The following TEX15 variants were observed in gnomAD, a reference collection of about 807,000 sequenced individuals.
TEX15 encodes testis-expressed protein 15.
A neutral mutation model predicts 237.3 loss-of-function variants in TEX15; 171 were observed. That is an observed-to-expected ratio of 0.72 (90% CI 0.64 to 0.82). The LOEUF is 0.82. Among genes scored for constraint, TEX15 ranks in the 40% least tolerant of loss-of-function variants. The pLI is 0.00. For missense variants in TEX15, 3,750 were observed against 3,646.5 expected (o/e 1.03, Z -0.73); for synonymous variants, 1,338 against 1,269.8 (o/e 1.05, Z -1.14).
chr8:30,852,906 G>C lies in TEX15; in HGVS notation c.851-3590C>G, dbSNP rs1289691416. ...CTGAGCACTGAAATGTGCCTGGTGT[G>C]ACTGACAAATTGAATTTATAATTTT... On this transcript the variant is annotated intron_variant, in intron 7 of 10. Coordinates refer to ENST00000643185, the MANE Select transcript of TEX15 (RefSeq NM_001350162.2). 2.0e-5 allele frequency among the ~76,000 whole-genome samples: 3 copies of C among 152,112 alleles called. No individual in the cohort carries two copies. The East Asian group carries it at 5.8e-4, about 29-fold the overall frequency.
In TEX15 at chr8:30,843,365, C is replaced by A. The variant is rs1360252475; in HGVS notation, c.6802G>T (p.Glu2268Ter). ...VRVKISLYGL[E>*]HIFFDAAKNL... ...TTTGCAGCATCAAAAAAGATATGTT[C>A]CAGACCATAAAGAGATATTTTAACA... The change falls in exon 8 of 11, where the codon GAA becomes TAA. Residue 2268 changes from glutamate (E) to a stop codon, truncating the protein, a stop_gained. Transcript: ENST00000643185. LOFTEE classifies it high-confidence loss of function. 6.2e-7 allele frequency: 1 copy of A among 1,610,878 alleles called. No individual in the cohort carries two copies. Among genetic ancestry groups the A allele is most frequent in the Non-Finnish European group, 8.5e-7 (1 of 1,178,058 alleles).
chr8:30,864,888 C>T (rs1487216951), intron 5 of TEX15, among the ~76,000 whole-genome samples: 1 of 151,676 alleles, frequency 6.6e-6, no homozygotes, highest in African/African-American at 2.4e-5. Flanking sequence ...TTTTTCTTTG[C>T]AATTAAAGTT....
intron 4 of TEX15, among the ~76,000 whole-genome samples, chr8:30,874,237 G>A (rs1327750266): frequency 2.0e-5 from 3 of 152,138 alleles, no homozygotes; most frequent in African/African-American, 7.2e-5. Context: ...ATTCCAAAAC[G>A]AGTTCCACAT....
chr8:30,894,774 A>C (rs1205047583), intron 2 of TEX15, among the ~76,000 whole-genome samples: 1 of 152,226 alleles, frequency 6.6e-6, no homozygotes, highest in East Asian at 1.9e-4. Flanking sequence ...AAAAAACATA[A>C]AGAAAAAGCC....
In TEX15 at chr8:30,832,541, ATGTT is replaced by A. The variant is rs1277581086; in HGVS notation, c.*741_*744del. The A allele has an allele frequency of 6.6e-6, 1 of 152,226 alleles. No homozygotes were observed. Among genetic ancestry groups the A allele is most frequent in the Non-Finnish European group, 1.5e-5 (1 of 68,024 alleles). The allele number at this position is 152,226 out of a possible 1,614,324, so 9.4% of individuals were successfully genotyped here. On this transcript the variant is annotated 3_prime_UTR_variant, in exon 11 of 11. Coordinates refer to ENST00000643185, the MANE Select transcript of TEX15 (RefSeq NM_001350162.2). ...TCTATGACAAGAGCATGAAAAAACT[ATGTT>A]TGTGCCACATTGTTTAAATTACTGT...
intron 7 of TEX15, among the ~76,000 whole-genome samples, chr8:30,852,098 A>ATTTTTTT (rs1369995680): frequency 2.5e-5 from 3 of 121,786 alleles, no homozygotes; most frequent in African/African-American, 1.2e-4. Context: ...CATTAATTTA[A>ATTTTTTT]TCTTTTTTTT....
chr8:30,886,924 G>A (rs10110944), intron 3 of TEX15: 3,831 of 324,028 alleles, frequency 0.012, 128 homozygotes, highest in African/African-American at 0.074. Context: ...CTCCAGTTTC[G>A]AAAGTCTTTT....
Position 30,846,388 on chromosome 8 carries a change from G to C in TEX15, c.3779C>G (p.Ser1260Cys). Residue 1260 changes from serine (S) to cysteine (C), a missense_variant, in exon 8 of 11, where the codon TCT (serine) becomes TGT (cysteine). Physicochemically the swap from Ser to Cys is moderately radical, Grantham distance 112. Coordinates refer to ENST00000643185, the MANE Select transcript of TEX15 (RefSeq NM_001350162.2). Reference protein sequence around the residue: ...NHTSENQNSESLFTEPSNVTT... With the variant: ...NHTSENQNSECLFTEPSNVTT... ...GACATTAGAAGGTTCAGTAAACAAA[G>C]ATTCACTGTTCTGATTTTCAGACGT... 6.2e-7 allele frequency: 1 copy of C among 1,613,306 alleles called. No homozygotes were observed. The highest frequency in any genetic ancestry group is 8.5e-7 in the Non-Finnish European group (1 of 1,179,678).
At chr8:30,860,693 G>A (rs933664685) in intron 5 of TEX15, among the ~76,000 whole-genome samples, 2 of 150,954 alleles carry the variant, frequency 1.3e-5, no homozygotes, top group African/African-American at 4.9e-5. Flanking sequence ...TCTCCTGAAT[G>A]GCTGGGATTA....
intron 1 of TEX15, among the ~76,000 whole-genome samples, chr8:30,902,917 C>G (rs1400741980): frequency 6.6e-6 from 1 of 152,206 alleles, no homozygotes; most frequent in African/African-American, 2.4e-5. Flanking sequence ...CAGTACATTT[C>G]TCAAGGTGTT....
chr8:30,898,130 C>A (rs1448319315), intron 2 of TEX15, among the ~76,000 whole-genome samples: 1 of 152,150 alleles, frequency 6.6e-6, no homozygotes, highest in Non-Finnish European at 1.5e-5. Context: ...CAATATTCTC[C>A]ACTGGACTAC....
chr8:30,880,074 G>A (rs1203955485), intron 3 of TEX15, among the ~76,000 whole-genome samples: 2 of 151,966 alleles, frequency 1.3e-5, no homozygotes, highest in African/African-American at 4.8e-5. Flanking sequence ...TGTCACCCAG[G>A]CTGGAATGCA....
chr8:30,860,751 T>C (rs993916503), intron 5 of TEX15, among the ~76,000 whole-genome samples: 1 of 151,852 alleles, frequency 6.6e-6, no homozygotes, highest in Admixed American at 6.6e-5. Flanking sequence ...GGTTTTGCCA[T>C]GTTGGCCAGG....
Position 30,846,625 on chromosome 8 carries a change from A to G in TEX15, c.3542T>C (p.Phe1181Ser). The G allele has an allele frequency of 6.2e-7, 1 of 1,613,892 alleles. No homozygotes were observed. The highest frequency in any genetic ancestry group is 8.5e-7 in the Non-Finnish European group (1 of 1,179,824). ...TGTGGCTTCAGTTACATGTGTGCAAAAACTATCTTTCAATGCAAGGGAGTC... is the reference window on the plus strand; with the variant it reads ...TGTGGCTTCAGTTACATGTGTGCAAGAACTATCTTTCAATGCAAGGGAGTC... Reference protein sequence around the residue: ...TADSLALKDSFCTHVTEATKP... With the variant: ...TADSLALKDSSCTHVTEATKP... The change falls in exon 8 of 11, where the codon TTT becomes TCT. Residue 1181 changes from phenylalanine (F) to serine (S), a missense_variant. Phe to Ser is a radical substitution (Grantham distance 155). Coordinates refer to ENST00000643185, the MANE Select transcript of TEX15 (RefSeq NM_001350162.2).
intron 1 of TEX15, among the ~76,000 whole-genome samples, chr8:30,901,144 A>C (rs1460537863): frequency 1.3e-5 from 2 of 152,228 alleles, no homozygotes; most frequent in Non-Finnish European, 2.9e-5. Context: ...TCTCAAAACA[A>C]ACAAACAAAA....
At chr8:30,872,613 G>A (rs922550698) in intron 4 of TEX15, among the ~76,000 whole-genome samples, 4 of 152,030 alleles carry the variant, frequency 2.6e-5, no homozygotes, top group Admixed American at 6.6e-5. Flanking sequence ...CTCCATGCAC[G>A]TTACTGCACC....
At chr8:30,887,367 T>C (rs1808675157) in intron 2 of TEX15, 56 bp from the exon 3 acceptor site, 1 of 1,381,030 alleles carries the variant, frequency 7.2e-7, no homozygotes, top group Non-Finnish European at 9.5e-7. Context: ...TAAAAGGCAA[T>C]GGCAGTACAA....
chr8:30,907,663 T>G (rs1809135319), intron 1 of TEX15, among the ~76,000 whole-genome samples: 2 of 140,440 alleles, frequency 1.4e-5, no homozygotes, highest in South Asian at 4.4e-4. Flanking sequence ...ATATATAATT[T>G]ATATATAAAT....
intron 1 of TEX15, among the ~76,000 whole-genome samples, chr8:30,905,292 A>C (rs1809078982): frequency 6.6e-6 from 1 of 151,822 alleles, no homozygotes; most frequent in Non-Finnish European, 1.5e-5. Context: ...TGTAGGCAAA[A>C]GTTGAATATT....
Sources: allele counts gnomAD v4.1 joint callset (sites outside exome capture counted in the v4.1 genomes callset), GRCh38; gene constraint gnomAD v4.1.1; transcripts MANE v1.5; gene names NCBI Gene and HGNC (gene_info 2026-07-23, HGNC 2026-07-21).